The following ARPC4 variants were observed in gnomAD, a reference collection of about 807,000 sequenced individuals.
ARPC4 encodes actin-related protein 2/3 complex subunit 4.
In ARPC4, 3 loss-of-function variants were observed where a neutral mutation model predicts 22.8. The observed-to-expected ratio is 0.13, with a 90% CI of 0.06 to 0.34. The LOEUF (loss-of-function observed/expected upper bound fraction) is 0.34, where lower values mean the gene tolerates loss of function less well. Among genes scored for constraint, ARPC4 ranks in the 10% least tolerant of loss-of-function variants. The pLI is 1.00. For synonymous variants in ARPC4, 80 were observed against 72.5 expected (o/e 1.10, Z -0.52); for missense variants, 98 against 211.0 (o/e 0.46, Z 3.32).
At chr3:9,803,570 C>T (rs1471911737) in intron 4 of ARPC4, 1 of 597,508 alleles carries the variant, frequency 1.7e-6, no homozygotes, top group Non-Finnish European at 3.2e-6. Flanking sequence ...TTCCTTGACT[C>T]ATTCTGAATG....
rs111615227 is a variant in ARPC4, at chr3:9,800,976, C to G, written c.234+680C>G. Among the ~76,000 whole-genome samples, 445 of 151,880 alleles carry G rather than the reference C, an allele frequency of 2.9e-3. 1 individual carries two copies. Among genetic ancestry groups the G allele is most frequent in the African/African-American group, 0.01 (417 of 41,458 alleles). On this transcript the variant is annotated intron_variant, in intron 3 of 5. Transcript: ENST00000397261. ...CTGTAATCCCAGCACTTTGGGAGACCAAGGCGGGTGGATCACTTGATGTCA... is the reference window on the plus strand; with the variant it reads ...CTGTAATCCCAGCACTTTGGGAGACGAAGGCGGGTGGATCACTTGATGTCA...
intron 4 of ARPC4, among the ~76,000 whole-genome samples, chr3:9,802,116 G>A (rs1255358059): frequency 6.6e-6 from 1 of 150,728 alleles, no homozygotes; most frequent in Non-Finnish European, 1.5e-5. Context: ...GTGGGCGCCT[G>A]TAATCCTAGC....
At chr3:9,792,764 C>A (rs78796930), upstream of ARPC4, 1,833 of 1,245,694 alleles carry the variant, frequency 1.5e-3, 29 homozygotes, top group African/African-American at 0.025. Flanking sequence ...AGGGCTCGTC[C>A]GCTTCGGCTT....
intron 5 of ARPC4, among the ~76,000 whole-genome samples, chr3:9,804,549 G>A (rs1359978156): frequency 6.6e-6 from 1 of 152,198 alleles, no homozygotes; most frequent in Non-Finnish European, 1.5e-5. Flanking sequence ...TTAGTCATCT[G>A]AAGAGGTAGA....
intron 3 of ARPC4, among the ~76,000 whole-genome samples, chr3:9,801,212 G>GAAAAA (rs745696982): frequency 2.7e-3 from 177 of 66,266 alleles, no homozygotes; most frequent in East Asian, 4.4e-3. Flanking sequence ...TTCCATCTCA[G>GAAAAA]AAAAAAAAAA....
At chr3:9,796,267 G>T (rs2078882799) in intron 1 of ARPC4, among the ~76,000 whole-genome samples, 1 of 152,142 alleles carries the variant, frequency 6.6e-6, no homozygotes, top group Non-Finnish European at 1.5e-5. Context: ...GGTGATGTGC[G>T]CCTGTAATCC....
upstream of ARPC4, chr3:9,792,661 G>C (rs2078767973): frequency 8.1e-7 from 1 of 1,232,346 alleles, no homozygotes; most frequent in African/African-American, 1.6e-5. Flanking sequence ...TGGCGGCCGA[G>C]ATCTCCGCGC....
chr3:9,793,059 G>T (rs2078783534), upstream of ARPC4: 2 of 1,544,894 alleles, frequency 1.3e-6, no homozygotes, highest in Non-Finnish European at 1.7e-6. Context: ...TCTCGCGAAA[G>T]GGCAGGCATC....
chr3:9,804,326 A>T (rs1352389439), intron 5 of ARPC4: 1 of 232,058 alleles, frequency 4.3e-6, no homozygotes, highest in African/African-American at 2.2e-5. Context: ...TTAAACCCCA[A>T]GTGAGGTAAG....
intron 1 of ARPC4, 191 bp downstream of exon 1, chr3:9,793,315 C>T (rs897429985): frequency 1.7e-4 from 198 of 1,168,152 alleles, no homozygotes; most frequent in Admixed American, 2.4e-4. Context: ...GGGGGTACTC[C>T]CTGGTATGAA....
At chr3:9,801,593 C>A in intron 3 of ARPC4, 68 bp from the exon 4 acceptor site, 1 of 1,471,780 alleles carries the variant, frequency 6.8e-7, no homozygotes, top group Non-Finnish European at 9.2e-7. Context: ...GTCAGAAGAC[C>A]AGGCTACAAG....
Position 9,806,392 on chromosome 3 carries a change from G to C in ARPC4, c.*177G>C. 1 of 723,628 alleles carries C rather than the reference G, an allele frequency of 1.4e-6. No homozygotes were observed. The highest frequency in any genetic ancestry group is 2.4e-6 in the Non-Finnish European group (1 of 408,596). 44.8% of individuals were successfully genotyped at this position (723,628 alleles called of 1,614,324 possible). On this transcript the variant is annotated 3_prime_UTR_variant, in exon 6 of 6. Transcript: ENST00000397261. ...TGGGCAAGAAAGCAGCAGTGGACCT[G>C]CCCCAAGGCCACACGTGCCTGGTCA...
chr3:9,792,564 G>A, upstream of ARPC4: 2 of 1,228,520 alleles, frequency 1.6e-6, no homozygotes, highest in African/African-American at 3.1e-5. Context: ...GAAGAAGGTG[G>A]GCCTCGAGCA....
At chr3:9,801,532 C>T in intron 3 of ARPC4, 129 bp from the exon 4 acceptor site, 1 of 838,436 alleles carries the variant, frequency 1.2e-6, no homozygotes, top group Non-Finnish European at 1.8e-6. Flanking sequence ...CTTCAGTGAT[C>T]CTTCCGAGTA....
intron 4 of ARPC4, among the ~76,000 whole-genome samples, chr3:9,802,425 G>A (rs1206166748): frequency 4.0e-5 from 6 of 150,384 alleles, no homozygotes; most frequent in Non-Finnish European, 7.4e-5. Flanking sequence ...GCCCAGGCTG[G>A]AGTGCAGTGG....
chr3:9,794,622 A>G (rs892644721), intron 1 of ARPC4, among the ~76,000 whole-genome samples: 1 of 152,140 alleles, frequency 6.6e-6, no homozygotes, highest in African/African-American at 2.4e-5. Context: ...GTACACTGTG[A>G]TCACTCCTGT....
At chr3:9,794,051 C>T (rs894284310) in intron 1 of ARPC4, among the ~76,000 whole-genome samples, 1 of 152,100 alleles carries the variant, frequency 6.6e-6, no homozygotes, top group Non-Finnish European at 1.5e-5. Flanking sequence ...CATGTCTCTG[C>T]TAAAAATCTG....
At chr3:9,804,235 G>A (rs2079065989) in intron 5 of ARPC4, 2 of 472,794 alleles carry the variant, frequency 4.2e-6, no homozygotes, top group Non-Finnish European at 7.5e-6. Context: ...GGTGTCTGGG[G>A]TGGCTCTTAG....
At chr3:9,802,966 C>T (rs2079043616) in intron 4 of ARPC4, among the ~76,000 whole-genome samples, 1 of 152,100 alleles carries the variant, frequency 6.6e-6, no homozygotes, top group South Asian at 2.1e-4. Flanking sequence ...TCACTGCAAG[C>T]TCCGCCTCCT....
Sources: gnomAD v4.1 joint callset for allele counts (sites outside exome capture counted in the v4.1 genomes callset) on GRCh38, gnomAD v4.1.1 for gene constraint, MANE v1.5 for transcripts, NCBI Gene and HGNC (gene_info 2026-07-23, HGNC 2026-07-21) for gene names.